Variants in CNOT6 observed in about 807,000 individuals in gnomAD.
CNOT6 encodes carbon catabolite repression 4 protein.
Under a neutral mutation model 61.2 loss-of-function variants are expected in CNOT6, and 12 were observed. The observed-to-expected ratio is 0.20, with a 90% CI of 0.13 to 0.32. The LOEUF is 0.32. Among genes scored for constraint, CNOT6 ranks in the 10% least tolerant of loss-of-function variants. The pLI is 1.00. For missense variants in CNOT6, 405 were observed against 663.9 expected (o/e 0.61, Z 4.28); for synonymous variants, 225 against 240.6 (o/e 0.94, Z 0.60).
chr5:180,495,911 T>G (rs1756590831), intron 1 of CNOT6, among the ~76,000 whole-genome samples: 1 of 152,192 alleles, frequency 6.6e-6, no homozygotes, highest in African/African-American at 2.4e-5. Context: ...AGTCTTTATT[T>G]AATTTATTTA....
At chr5:180,558,109 C>T (rs1055402109) in intron 4 of CNOT6, among the ~76,000 whole-genome samples, 1 of 152,172 alleles carries the variant, frequency 6.6e-6, no homozygotes, top group African/African-American at 2.4e-5. Context: ...TTCTGAGGCC[C>T]CAGGAAGGAA....
intron 1 of CNOT6, among the ~76,000 whole-genome samples, chr5:180,528,871 T>C (rs1581503906): frequency 6.6e-6 from 1 of 152,208 alleles, no homozygotes; most frequent in Non-Finnish European, 1.5e-5. Context: ...AGCTCCTAGT[T>C]TCTTTCAGTG....
chr5:180,504,502 C>T (rs908581122), intron 1 of CNOT6, among the ~76,000 whole-genome samples: 4 of 151,850 alleles, frequency 2.6e-5, no homozygotes, highest in African/African-American at 9.7e-5. Context: ...ATTCCAAGAG[C>T]GGGGGCAGTA....
intron 3 of CNOT6, among the ~76,000 whole-genome samples, 164 bp from the exon 4 acceptor site, chr5:180,553,222 T>C (rs1471510711): frequency 1.3e-5 from 2 of 152,226 alleles, no homozygotes; most frequent in Non-Finnish European, 2.9e-5. Flanking sequence ...GGCAGTTTTT[T>C]TTTTTAAACC....
At chr5:180,504,334 A>T (rs965345783) in intron 1 of CNOT6, among the ~76,000 whole-genome samples, 1 of 152,172 alleles carries the variant, frequency 6.6e-6, no homozygotes, top group African/African-American at 2.4e-5. Context: ...TTTCTTTTGT[A>T]GTTTTAAGGG....
chr5:180,500,647 G>A (rs1325679072), intron 1 of CNOT6, among the ~76,000 whole-genome samples: 2 of 152,096 alleles, frequency 1.3e-5, no homozygotes, highest in Non-Finnish European at 2.9e-5. Flanking sequence ...GATTATACTT[G>A]TTTAATACTA....
rs149721852 is a variant in CNOT6, at chr5:180,566,024, G to T, written c.717+47G>T. The T allele has an allele frequency of 3.3e-6, 5 of 1,535,092 alleles. No homozygotes were observed. The South Asian group carries it at 6.0e-5, about 18-fold the overall frequency. Reference sequence around the variant, plus strand: ...CAACCTAGCATTGATAAAGGAAGGAGCAACTAGGAATACATTACGCTGACA... The same window carrying T: ...CAACCTAGCATTGATAAAGGAAGGATCAACTAGGAATACATTACGCTGACA... On this transcript the variant is annotated intron_variant, in intron 7 of 11. Transcript: ENST00000261951.
At chr5:180,531,390 C>T (rs1477583932) in intron 2 of CNOT6, among the ~76,000 whole-genome samples, 1 of 149,678 alleles carries the variant, frequency 6.7e-6, no homozygotes, top group Middle Eastern at 3.4e-3. Flanking sequence ...CCACACGGGG[C>T]GGCGGGGCAG....
chr5:180,498,162 G>C (rs189717987), intron 1 of CNOT6, among the ~76,000 whole-genome samples: 1 of 152,136 alleles, frequency 6.6e-6, no homozygotes, highest in Non-Finnish European at 1.5e-5. Context: ...TTAGCGAGGT[G>C]GGGGGTTATT....
In CNOT6 at chr5:180,571,219, C is replaced by T. The variant is rs1760730631; in HGVS notation, c.1259-11C>T. 2 of 1,593,814 alleles carry T rather than the reference C, an allele frequency of 1.3e-6. No homozygotes were observed. The highest frequency in any genetic ancestry group is 8.6e-7 in the Non-Finnish European group (1 of 1,166,400). The stretch of plus-strand genomic sequence containing the variant: ...TATATTTGACAATAAAAAAATTTGT[C>T]TTCATTGTAGGTGTTGTAGAATATT... On this transcript the variant is annotated splice_polypyrimidine_tract_variant and intron_variant, in intron 10 of 11. Transcript: ENST00000261951.
intron 4 of CNOT6, among the ~76,000 whole-genome samples, chr5:180,557,608 G>A (rs1759963339): frequency 6.6e-6 from 1 of 152,072 alleles, no homozygotes; most frequent in South Asian, 2.1e-4. Context: ...TATATTCTAG[G>A]TACGAGTCGT....
chr5:180,554,899 A>C (rs370822096), intron 4 of CNOT6, among the ~76,000 whole-genome samples: 2 of 152,132 alleles, frequency 1.3e-5, no homozygotes, highest in Non-Finnish European at 2.9e-5. Context: ...TTCCAATTCA[A>C]GGTTTTCCTA....
chr5:180,511,893 A>G (rs1437472545), intron 1 of CNOT6, among the ~76,000 whole-genome samples: 1 of 152,254 alleles, frequency 6.6e-6, no homozygotes, highest in African/African-American at 2.4e-5. Context: ...AGTAACTAGG[A>G]TTACCGGCAT....
chr5:180,551,504 T>C (rs1416527804), intron 3 of CNOT6, among the ~76,000 whole-genome samples: 1 of 152,174 alleles, frequency 6.6e-6, no homozygotes, highest in East Asian at 1.9e-4. Context: ...TCCCAGAGAA[T>C]TGGGATTTCA....
chr5:180,510,576 G>A (rs1757344507), intron 1 of CNOT6, among the ~76,000 whole-genome samples: 1 of 152,176 alleles, frequency 6.6e-6, no homozygotes, highest in Non-Finnish European at 1.5e-5. Context: ...ATTAAAGAAT[G>A]TGGTAGGCCT....
At chr5:180,540,732 T>C (rs1287077294) in intron 2 of CNOT6, among the ~76,000 whole-genome samples, 1 of 152,234 alleles carries the variant, frequency 6.6e-6, no homozygotes, top group East Asian at 1.9e-4. Flanking sequence ...CCATTGTAAG[T>C]TGAGGCGCAC....
At chr5:180,537,349 T>C (rs1224483780) in intron 2 of CNOT6, among the ~76,000 whole-genome samples, 1 of 152,200 alleles carries the variant, frequency 6.6e-6, no homozygotes, top group Non-Finnish European at 1.5e-5. Context: ...AGTATCTCGT[T>C]GTTTTAATTT....
rs1489420186 is a variant in CNOT6 at position 180,575,328 on chromosome 5, C to A, written c.*1128C>A. On this transcript the variant is annotated 3_prime_UTR_variant, in exon 12 of 12. Transcript: ENST00000261951. ...TTTTGGAACATGTTATAGGGTGAGT[C>A]CCTGGATCTTTGCTCACCAGATCCA... 3 of 150,772 alleles carry A rather than the reference C, an allele frequency of 2.0e-5. No individual in the cohort carries two copies. Among genetic ancestry groups the A allele is most frequent in the African/African-American group, 7.3e-5 (3 of 40,972 alleles). 9.3% of individuals were successfully genotyped at this position (150,772 alleles called of 1,614,324 possible). A position where few individuals can be genotyped will look rare whatever the true frequency, so the allele number is the denominator to read the frequency against.
chr5:180,535,654 T>C (rs536427029), intron 2 of CNOT6, among the ~76,000 whole-genome samples: 6 of 152,366 alleles, frequency 3.9e-5, no homozygotes, highest in African/African-American at 1.4e-4. Context: ...ATGATTTCTT[T>C]CCCTTTGGGG....
Sources: allele counts gnomAD v4.1 joint callset (sites outside exome capture counted in the v4.1 genomes callset), GRCh38; gene constraint gnomAD v4.1.1; transcripts MANE v1.5; gene names NCBI Gene and HGNC (gene_info 2026-07-23, HGNC 2026-07-21).